Variants in FBRSL1 observed in about 807,000 individuals in gnomAD.
FBRSL1 encodes fibrosin like 1.
FBRSL1 carries 51 observed loss-of-function variants against 89.6 expected under a neutral mutation model. That is an observed-to-expected ratio of 0.57 (90% confidence interval 0.45 to 0.72). The LOEUF (loss-of-function observed/expected upper bound fraction) is 0.72. Ranked by LOEUF, FBRSL1 falls within the 30% of genes least tolerant of loss-of-function variation. The probability of loss-of-function intolerance (pLI) is 0.00; values close to 1 mark genes in which losing one functional copy is unlikely to be tolerated. For synonymous variants in FBRSL1, 779 were observed against 681.1 expected, an observed-to-expected ratio of 1.14 and a Z score of -2.24; for missense variants, 1,618 against 1,451.8, an observed-to-expected ratio of 1.11 and a Z score of -1.86.
chr12:132,491,057 C>T (rs2030825856), intron 1 of FBRSL1, among the ~76,000 whole-genome samples, 196 bp downstream of exon 1: 1 of 152,262 alleles, frequency 6.6e-6, no homozygotes, highest in Non-Finnish European at 1.5e-5. Flanking sequence ...ATCTGGAAGA[C>T]CCAGCAGCGT....
intron 9 of FBRSL1, chr12:132,571,441 C>T (rs955865059): frequency 1.9e-6 from 3 of 1,550,806 alleles, no homozygotes; most frequent in Non-Finnish European, 2.6e-6. Context: ...CCAGCACACG[C>T]ACCAACACAC....
At chr12:132,493,035 A>C (rs149577021) in intron 1 of FBRSL1, among the ~76,000 whole-genome samples, 4 of 152,130 alleles carry the variant, frequency 2.6e-5, no homozygotes, top group African/African-American at 9.7e-5. Context: ...TTACTCCTCA[A>C]ATGACCCACG....
At chr12:132,504,370 G>A (rs978718146) in intron 1 of FBRSL1, among the ~76,000 whole-genome samples, 2 of 152,204 alleles carry the variant, frequency 1.3e-5, no homozygotes, top group South Asian at 2.1e-4. Flanking sequence ...AAAAGCAGTC[G>A]CATAGAATTG....
chr12:132,509,857 G>A (rs1335591129), intron 2 of FBRSL1: 15 of 1,231,652 alleles, frequency 1.2e-5, no homozygotes, highest in Middle Eastern at 3.1e-4. Context: ...CTCACCCTCC[G>A]ACCACGCCGA....
At chr12:132,492,130 C>T (rs2031123297) in intron 1 of FBRSL1, among the ~76,000 whole-genome samples, 1 of 152,204 alleles carries the variant, frequency 6.6e-6, no homozygotes, top group Non-Finnish European at 1.5e-5. Flanking sequence ...CTGCGCTCGG[C>T]TCCTGCACTG....
intron 1 of FBRSL1, among the ~76,000 whole-genome samples, chr12:132,493,405 AAC>A (rs2136313548): frequency 1.3e-5 from 2 of 152,302 alleles, no homozygotes; most frequent in Admixed American, 1.3e-4. Flanking sequence ...TAAACAACCA[AAC>A]ACAGGTGTAG....
intron 2 of FBRSL1, among the ~76,000 whole-genome samples, chr12:132,508,641 G>A (rs577023677): frequency 1.3e-5 from 2 of 152,344 alleles, no homozygotes; most frequent in South Asian, 4.1e-4. Context: ...CTGATAGGCC[G>A]GCCCCGTTTC....
At chr12:132,581,884 G>A in intron 17 of FBRSL1, 60 bp downstream of exon 17, 1 of 1,427,664 alleles carries the variant, frequency 7.0e-7, no homozygotes, top group Non-Finnish European at 9.4e-7. Flanking sequence ...CCATGCCTGT[G>A]TCCTCTGCAG....
At chr12:132,543,382 G>A (rs1028418012) in intron 4 of FBRSL1, among the ~76,000 whole-genome samples, 5 of 152,186 alleles carry the variant, frequency 3.3e-5, no homozygotes, top group East Asian at 3.9e-4. Context: ...GCCAGGACCC[G>A]CCCCCAGACT....
intron 4 of FBRSL1, among the ~76,000 whole-genome samples, chr12:132,528,351 G>A (rs917996905): frequency 1.3e-5 from 2 of 152,180 alleles, no homozygotes; most frequent in African/African-American, 2.4e-5. Context: ...GGCCAAGGCC[G>A]GGCTGCTTCT....
At chr12:132,508,384 GGCGGGTCAGTGCTCACCGCCC>G in intron 2 of FBRSL1, 34 bp downstream of exon 2, 1 of 1,412,322 alleles carries the variant, frequency 7.1e-7, no homozygotes, top group Non-Finnish European at 9.4e-7. Flanking sequence ...GAAGCTCTGC[GGCGGGTCAGTGCTCACCGCCC>G]CAGGGCCATG....
Position 132,546,365 on chromosome 12 carries a change from T to G in FBRSL1, c.616-1638T>G, listed in dbSNP as rs1019454881. On this transcript the variant is annotated intron_variant, in intron 4 of 18. Coordinates refer to ENST00000680143, the MANE Select transcript of FBRSL1 (RefSeq NM_001367871.1). The surrounding 1 kb of genome is among the most constrained non-coding windows in gnomAD (Gnocchi z 4.0). Reference sequence around the variant, plus strand: ...GCCTCCGGGGCGGGATGGGCCCGGTTCTGACTTGGAGCCCTCAGTTCTTGT... The same window carrying G: ...GCCTCCGGGGCGGGATGGGCCCGGTGCTGACTTGGAGCCCTCAGTTCTTGT... Among the ~76,000 whole-genome samples, 2 of 152,214 alleles carry G rather than the reference T, an allele frequency of 1.3e-5. No individual in the cohort carries two copies. The highest frequency in any genetic ancestry group is 2.9e-5 in the Non-Finnish European group (2 of 68,038).
intron 1 of FBRSL1, among the ~76,000 whole-genome samples, chr12:132,498,705 G>A (rs1253977389): frequency 1.3e-5 from 2 of 152,252 alleles, no homozygotes; most frequent in Non-Finnish European, 1.5e-5. Context: ...GCGGCCCTGC[G>A]TGGGCCTTGC....
At position 132,570,002 on chromosome 12, in the gene FBRSL1, C is replaced by A; in HGVS notation, c.768C>A (p.Leu256=). 1 of 1,507,600 alleles carries A rather than the reference C, an allele frequency of 6.6e-7. No individual in the cohort carries two copies. The highest frequency in any genetic ancestry group is 1.2e-5 in the South Asian group (1 of 80,438). 93.4% of individuals were successfully genotyped at this position (1,507,600 alleles called of 1,614,324 possible). A position where few individuals can be genotyped will look rare whatever the true frequency, so the allele number is the denominator to read the frequency against. Reference sequence around the variant, plus strand: ...CAGGCCTGGAGCGCAGCCGCGAGCTCAGCGCCGAGAGCTTCCTGCCCACTG... The same window carrying A: ...CAGGCCTGGAGCGCAGCCGCGAGCTAAGCGCCGAGAGCTTCCTGCCCACTG... The part of the protein sequence containing the change: ...KVSGLERSRE[L]SAESFLPTAS... The change falls in exon 7 of 19, where the codon CTC becomes CTA. Residue 256 remains leucine (L), a synonymous_variant. Transcript: ENST00000680143.
intron 1 of FBRSL1, among the ~76,000 whole-genome samples, chr12:132,495,625 A>T (rs1041356137): frequency 4.0e-4 from 61 of 152,166 alleles, no homozygotes; most frequent in African/African-American, 1.4e-3. Flanking sequence ...AGGGGTGCGG[A>T]GCTGAGCCGG....
chr12:132,583,269 G>C lies in FBRSL1; in HGVS notation c.2500G>C (p.Ala834Pro). Reference sequence around the variant, plus strand: ...GCCCCCGGCGGGCGGCCTGCACCCCGCGCCCCTGCAGCTCGGCCTGGGCCG... The same window carrying C: ...GCCCCCGGCGGGCGGCCTGCACCCCCCGCCCCTGCAGCTCGGCCTGGGCCG... ...SEPPAGGLHPAPLQLGLGRER... is the reference protein window; with the variant it reads ...SEPPAGGLHPPPLQLGLGRER... Residue 834 changes from alanine to proline, a missense_variant, in exon 19 of 19, where the codon GCG (alanine) becomes CCG (proline). By Grantham distance (27) the Ala-to-Pro change is conservative. Transcript: ENST00000680143. 7.7e-7 allele frequency: 1 copy of C among 1,298,494 alleles called. No homozygotes were observed. The highest frequency in any genetic ancestry group is 9.8e-7 in the Non-Finnish European group (1 of 1,023,148). The allele number at this position is 1,298,494 out of a possible 1,614,324, so 80.4% of individuals were successfully genotyped here. A position where few individuals can be genotyped will look rare whatever the true frequency, so the allele number is the denominator to read the frequency against.
Position 132,525,729 on chromosome 12 carries a change from C to T in FBRSL1, c.490-5C>T. 1.9e-6 allele frequency: 3 copies of T among 1,547,920 alleles called. No individual in the cohort carries two copies. Among genetic ancestry groups the T allele is most frequent in the South Asian group, 1.2e-5 (1 of 84,022 alleles). ...TGCCTGAGACAGTGTCTCTCTCTGT[C>T]CCAGATGAAGGTCACCGTGTCCAAA... is the stretch of plus-strand genomic sequence containing the variant. On this transcript the variant is annotated splice_polypyrimidine_tract_variant and splice_region_variant and intron_variant, in intron 2 of 18. Coordinates refer to ENST00000680143, the MANE Select transcript of FBRSL1 (RefSeq NM_001367871.1).
intron 1 of FBRSL1, among the ~76,000 whole-genome samples, chr12:132,500,760 G>C (rs2136427475): frequency 6.6e-6 from 1 of 152,162 alleles, no homozygotes; most frequent in African/African-American, 2.4e-5. Context: ...AGGGAGCCCA[G>C]GCCCTGCAGA....
intron 2 of FBRSL1, among the ~76,000 whole-genome samples, chr12:132,508,960 G>T (rs2034012235): frequency 6.6e-6 from 1 of 152,204 alleles, no homozygotes; most frequent in Non-Finnish European, 1.5e-5. Flanking sequence ...GTGCAGCTCA[G>T]CCTGCAGCTG....
Sources: allele counts gnomAD v4.1 joint callset (sites outside exome capture counted in the v4.1 genomes callset), GRCh38; gene constraint gnomAD v4.1.1; non-coding constraint Gnocchi (gnomAD v3.1); transcripts MANE v1.5; gene names NCBI Gene and HGNC (gene_info 2026-07-23, HGNC 2026-07-21).